DPP7: variants seen among roughly 807,000 people sequenced by gnomAD.
The protein encoded by DPP7 is dipeptidyl peptidase 7.
Under a neutral mutation model 58.8 loss-of-function variants are expected in DPP7, and 74 were observed. The observed-to-expected ratio is 1.26, with a 90% CI of 1.04 to 1.53. DPP7 has a LOEUF of 1.53. DPP7 is among the 40% of genes most tolerant of loss of function. DPP7 has a pLI of 0.00. For missense variants in DPP7, 807 were observed against 692.3 expected, an observed-to-expected ratio of 1.17 and a Z score of -1.86; for synonymous variants, 350 against 303.6, an observed-to-expected ratio of 1.15 and a Z score of -1.59.
intron 11 of DPP7, 99 bp from the exon 12 acceptor site, chr9:137,111,049 C>T: frequency 8.3e-7 from 1 of 1,202,516 alleles, no homozygotes; most frequent in Non-Finnish European, 1.2e-6. Context: ...CGAGCCGAGA[C>T]TCAGTGCCCA....
At chr9:137,112,333 G>C in intron 8 of DPP7, 103 bp from the exon 9 acceptor site, 1 of 981,420 alleles carries the variant, frequency 1.0e-6, no homozygotes, top group Non-Finnish European at 1.5e-6. Context: ...GGGGATCTGG[G>C]GCTCTGGGAT....
In DPP7 at chr9:137,110,879, C is replaced by T. The variant is rs111375456; in HGVS notation, c.1343+1G>A. ...CACCGCCAGGCCACCTCCCTCCGCACCTGAGGTCGAGGTGGTGCGCTCCCC... is the reference window on the plus strand; with the variant it reads ...CACCGCCAGGCCACCTCCCTCCGCATCTGAGGTCGAGGTGGTGCGCTCCCC... On this transcript the variant is annotated splice_donor_variant, in intron 12 of 12. Coordinates refer to ENST00000371579, the MANE Select transcript of DPP7 (RefSeq NM_013379.3). LOFTEE classifies it high-confidence loss of function. 1 of 1,611,840 alleles carries T rather than the reference C, an allele frequency of 6.2e-7. No individual in the cohort carries two copies.
At chr9:137,115,240 C>A (rs985412167), upstream of DPP7, 6 of 152,590 alleles carry the variant, frequency 3.9e-5, no homozygotes, top group Admixed American at 3.9e-4. Flanking sequence ...GCCCCTGGAG[C>A]GTCTGGGCAG....
At chr9:137,114,431 C>CGGG in intron 2 of DPP7, 32 bp downstream of exon 2, 1 of 1,542,300 alleles carries the variant, frequency 6.5e-7, no homozygotes, top group South Asian at 1.2e-5. Context: ...GGCGGGACGG[C>CGGG]GGGGGCGGCC....
upstream of DPP7, among the ~76,000 whole-genome samples, chr9:137,117,349 G>A (rs539521807): frequency 2.0e-5 from 3 of 152,212 alleles, no homozygotes; most frequent in Admixed American, 6.5e-5. Context: ...GGGCAAGTGA[G>A]CCTAGGCTGC....
Position 137,112,260 on chromosome 9 carries a change from G to A in DPP7, c.932-30C>T, listed in dbSNP as rs770915474. The A allele has an allele frequency of 3.2e-6, 5 of 1,567,034 alleles. No homozygotes were observed. The South Asian group carries it at 4.5e-5, about 14-fold the overall frequency. ...GGAGGAGAGGCGCTGGGGCCCAGCG[G>A]CCACACACAGACACACCGCGGGCTC... On this transcript the variant is annotated intron_variant, in intron 8 of 12. Coordinates refer to ENST00000371579, the MANE Select transcript of DPP7 (RefSeq NM_013379.3).
rs1831564424 is a variant in DPP7 at position 137,114,556 on chromosome 9, C to T, written c.88G>A (p.Gly30Ser). The T allele has an allele frequency of 6.4e-7, 1 of 1,558,826 alleles. No homozygotes were observed. Among genetic ancestry groups the T allele is most frequent in the Non-Finnish European group, 8.7e-7 (1 of 1,153,774 alleles). Residue 30 changes from glycine (G) to serine (S), a missense_variant, in exon 2 of 13, where the codon GGC (glycine) becomes AGC (serine). This residue lies in a region of DPP7 where 168 missense variants were observed against 124.1 expected (regional missense o/e 1.35). Coordinates refer to ENST00000371579, the MANE Select transcript of DPP7 (RefSeq NM_013379.3). ...QAGARRAPDP[G>S]FQERFFQQRL... The stretch of plus-strand genomic sequence containing the variant: ...TGCTGGAAGAAGCGCTCCTGGAAGC[C>T]GGGGTCCGGGGCCCTGCGGGCTGTG...
chr9:137,110,872 C>T lies in DPP7; in HGVS notation c.1343+8G>A, dbSNP rs111808677. The stretch of plus-strand genomic sequence containing the variant: ...CCGCGACCACCGCCAGGCCACCTCC[C>T]TCCGCACCTGAGGTCGAGGTGGTGC... On this transcript the variant is annotated splice_region_variant and intron_variant, in intron 12 of 12. Transcript: ENST00000371579. The T allele has an allele frequency of 1.4e-5, 22 of 1,611,284 alleles. No homozygotes were observed. The highest frequency in any genetic ancestry group is 1.7e-4 in the Middle Eastern group (1 of 6,056).
upstream of DPP7, chr9:137,114,758 C>T: frequency 1.6e-6 from 2 of 1,240,018 alleles, no homozygotes; most frequent in Non-Finnish European, 2.0e-6. Context: ...GTCACGGGGC[C>T]GCCAGGGCGC....
chr9:137,116,714 C>G (rs1831650278), upstream of DPP7, among the ~76,000 whole-genome samples: 1 of 152,246 alleles, frequency 6.6e-6, no homozygotes, highest in South Asian at 2.1e-4. Context: ...AGGGAGGCCT[C>G]TTTGCAGTTG....
At chr9:137,112,676 C>A (rs536088659) in intron 8 of DPP7, 69 bp downstream of exon 8, 130 of 1,532,174 alleles carry the variant, frequency 8.5e-5, no homozygotes, top group Non-Finnish European at 1.1e-4. Flanking sequence ...CCTCGCCCCA[C>A]CCGGCCCCAG....
At position 137,110,891 on chromosome 9, in the gene DPP7, G is replaced by T. The variant is rs1831325949; in HGVS notation, c.1332C>A (p.His444Gln). Residue 444 changes from histidine to glutamine, a missense_variant, in exon 12 of 13, where the codon CAC becomes CAA. By Grantham distance (24) the His-to-Gln change is conservative (BLOSUM62 0). This residue lies in a region of DPP7 where 624 missense variants were observed against 531.2 expected (regional missense o/e 1.17). Coordinates refer to ENST00000371579, the MANE Select transcript of DPP7 (RefSeq NM_013379.3). ...ACCTCCCTCCGCACCTGAGGTCGAGGTGGTGCGCTCCCCCCTGGATGGTGA... is the reference window on the plus strand; with the variant it reads ...ACCTCCCTCCGCACCTGAGGTCGAGTTGGTGCGCTCCCCCCTGGATGGTGA... ...IAVTIQGGAH[H>Q]LDLRASHPED... is the part of the protein sequence containing the mutation. The T allele has an allele frequency of 6.2e-7, 1 of 1,612,620 alleles. No individual in the cohort carries two copies. Among genetic ancestry groups the T allele is most frequent in the Non-Finnish European group, 8.5e-7 (1 of 1,179,856 alleles).
Position 137,114,718 on chromosome 9 carries a change from C to A in DPP7, c.-5G>T. The A allele has an allele frequency of 7.8e-7, 1 of 1,280,152 alleles. No homozygotes were observed. Among genetic ancestry groups the A allele is most frequent in the Non-Finnish European group, 9.8e-7 (1 of 1,016,588 alleles). 79.3% of individuals were successfully genotyped at this position (1,280,152 alleles called of 1,614,324 possible). ...GGCCCAGGGAGCGGAGCCCATGTCG[C>A]CTTCCGCGGGCGCCCGTCACGTGGG... On this transcript the variant is annotated 5_prime_UTR_variant, in exon 1 of 13. Transcript: ENST00000371579.
rs371237783 is a variant in DPP7, at chr9:137,111,830, G to A, written c.1207+43C>T. 1.4e-4 allele frequency: 219 copies of A among 1,612,798 alleles called. 1 individual carries two copies. In the African/African-American group the frequency reaches 2.5e-3, roughly 18 times the overall value. On this transcript the variant is annotated intron_variant, in intron 10 of 12. Transcript: ENST00000371579. ...GCCATGGGCAGGGGGTGCAGAGCTC[G>A]GGGCAGAAAGCAGGACGCTGGCCCA...
chr9:137,110,622 G>A lies in DPP7; in HGVS notation c.*26C>T. On this transcript the variant is annotated 3_prime_UTR_variant, in exon 13 of 13. Coordinates refer to ENST00000371579, the MANE Select transcript of DPP7 (RefSeq NM_013379.3). Reference sequence around the variant, plus strand: ...GAGTGAAGCCCCCACTCCATGAGGAGCCTTGAGACCCCTCCAGTCCTGTGC... The same window carrying A: ...GAGTGAAGCCCCCACTCCATGAGGAACCTTGAGACCCCTCCAGTCCTGTGC... 1.9e-6 allele frequency: 3 copies of A among 1,601,782 alleles called. No individual in the cohort carries two copies. Among genetic ancestry groups the A allele is most frequent in the Non-Finnish European group, 1.7e-6 (2 of 1,174,992 alleles).
At position 137,111,940 on chromosome 9, in the gene DPP7, C is replaced by T; in HGVS notation, c.1140G>A (p.Arg380=). ...ACACGCCCCAGGTGTCCAGGCAGTA[C>T]CGCTGGCGGAGCTCGTCAGTGAAGG... ...DLPFTDELRQ[R]YCLDTWGVWP... Residue 380 remains arginine, a synonymous_variant, in exon 10 of 13, where the codon CGG becomes CGA. Coordinates refer to ENST00000371579, the MANE Select transcript of DPP7 (RefSeq NM_013379.3). 6.2e-7 allele frequency: 1 copy of T among 1,613,134 alleles called. No individual in the cohort carries two copies.
At chr9:137,116,837 T>C (rs1315894807), upstream of DPP7, among the ~76,000 whole-genome samples, 1 of 152,216 alleles carries the variant, frequency 6.6e-6, no homozygotes, top group African/African-American at 2.4e-5. Flanking sequence ...GCCCTGTGGC[T>C]GGAGGCGAGA....
chr9:137,116,006 C>G (rs1831627770), upstream of DPP7, among the ~76,000 whole-genome samples: 1 of 152,198 alleles, frequency 6.6e-6, no homozygotes, highest in East Asian at 1.9e-4. Context: ...ACCAGCAACC[C>G]TCACCCAGGA....
At chr9:137,117,726 T>C (rs1218570163), upstream of DPP7, among the ~76,000 whole-genome samples, 1 of 152,210 alleles carries the variant, frequency 6.6e-6, no homozygotes, top group African/African-American at 2.4e-5. Flanking sequence ...CTTGGGGCCG[T>C]GCTGGTCTGT....
Sources: allele counts gnomAD v4.1 joint callset (sites outside exome capture counted in the v4.1 genomes callset), GRCh38; gene constraint gnomAD v4.1.1; regional missense constraint gnomAD v4.1.1; transcripts MANE v1.5; gene names NCBI Gene and HGNC (gene_info 2026-07-23, HGNC 2026-07-21).